TMPRSS15: variants seen among roughly 807,000 people sequenced by gnomAD.
TMPRSS15 encodes the protein transmembrane serine protease 15.
In TMPRSS15, 128 loss-of-function variants were observed where a neutral mutation model predicts 125.3. The ratio of observed to expected loss-of-function variants is 1.02; its 90% CI spans 0.89 to 1.18. The LOEUF (loss-of-function observed/expected upper bound fraction) is 1.18, where lower values mean the gene tolerates loss of function less well. TMPRSS15 is among the 50% of genes most tolerant of loss of function. The pLI is 0.00. For synonymous variants in TMPRSS15, 446 were observed against 423.2 expected (o/e 1.05, Z -0.66); for missense variants, 1,283 against 1,212.7 (o/e 1.06, Z -0.86).
rs565168055 is a variant in TMPRSS15, at chr21:18,305,811, A to C, written c.2165+7134T>G. ...TATCAAATTATGGTAGTTTGCTATT[A>C]ATGATTTGCTCTTTAATTATTTTTA... On this transcript the variant is annotated intron_variant, in intron 18 of 24. Transcript: ENST00000284885. Among the ~76,000 whole-genome samples the C allele has an allele frequency of 8.5e-5, 13 of 152,314 alleles. No individual in the cohort carries two copies. In the South Asian group the frequency reaches 2.3e-3, roughly 27 times the overall value.
rs534526448 is a variant in TMPRSS15 at position 18,483,974 on chromosome 21, T to C, written c.10+1825A>G. ...GTTTAGTAATCCTTATTTTTTATTTTATATGACTGGAATCACACAGAATAC... is the reference window on the plus strand; with the variant it reads ...GTTTAGTAATCCTTATTTTTTATTTCATATGACTGGAATCACACAGAATAC... On this transcript the variant is annotated intron_variant, in intron 1 of 7. Transcript: ENST00000422787. Among the ~76,000 whole-genome samples the C allele has an allele frequency of 1.4e-4, 22 of 152,028 alleles. No individual in the cohort carries two copies. In the South Asian group the frequency reaches 4.6e-3, roughly 32 times the overall value.
chr21:18,323,500 C>T (rs975712420), intron 16 of TMPRSS15, among the ~76,000 whole-genome samples: 1 of 152,134 alleles, frequency 6.6e-6, no homozygotes, highest in Non-Finnish European at 1.5e-5. Flanking sequence ...TTACCTCCCA[C>T]CAGGTCCCTC....
chr21:18,284,318 T>C (rs1048996031), intron 21 of TMPRSS15, among the ~76,000 whole-genome samples: 1 of 152,186 alleles, frequency 6.6e-6, no homozygotes, highest in African/African-American at 2.4e-5. Context: ...GACTGGAGAA[T>C]ACAGAGCTTA....
At chr21:18,291,476 C>A (rs1286276323) in intron 21 of TMPRSS15, among the ~76,000 whole-genome samples, 1 of 152,184 alleles carries the variant, frequency 6.6e-6, no homozygotes, top group Non-Finnish European at 1.5e-5. Flanking sequence ...TTCAATTAAA[C>A]CATTTAACCA....
At position 18,278,978 on chromosome 21, in the gene TMPRSS15, G is replaced by A. The variant is rs778496939; in HGVS notation, c.2750C>T (p.Thr917Met). 10 of 1,194,778 alleles carry A rather than the reference G, an allele frequency of 8.4e-6. No individual in the cohort carries two copies. The highest frequency in any genetic ancestry group is 3.1e-5 in the East Asian group (1 of 32,164). 74.0% of individuals were successfully genotyped at this position (1,194,778 alleles called of 1,614,324 possible). A position where few individuals can be genotyped will look rare whatever the true frequency, so the allele number is the denominator to read the frequency against. Residue 917 changes from threonine (T) to methionine (M), a missense_variant, in exon 23 of 25, where the codon ACG becomes ATG. By Grantham distance (81) the Thr-to-Met change is moderately conservative. Coordinates refer to ENST00000284885, the MANE Select transcript of TMPRSS15 (RefSeq NM_002772.3). ...GRNCSIAGWGTVVYQGTTANI... is the reference protein window; with the variant it reads ...GRNCSIAGWGMVVYQGTTANI... ...TGATAATTTACCTTGATATACAACC[G>A]TCCCCCAACCAGCAATAGAACAATT...
intron 13 of TMPRSS15, among the ~76,000 whole-genome samples, chr21:18,335,302 T>C (rs1477263628): frequency 6.6e-6 from 1 of 152,246 alleles, no homozygotes; most frequent in Non-Finnish European, 1.5e-5. Context: ...TTTGTGTTTT[T>C]GTTTTTTACC....
At chr21:18,326,680 T>C (rs1243997621) in intron 15 of TMPRSS15, 108 bp from the exon 16 acceptor site, 14 of 1,313,876 alleles carry the variant, frequency 1.1e-5, no homozygotes, top group African/African-American at 1.4e-5. Context: ...ACATGTTACA[T>C]GGCTCGCTCA....
At chr21:18,429,945 C>A (rs2076212921) in intron 1 of TMPRSS15, among the ~76,000 whole-genome samples, 1 of 152,112 alleles carries the variant, frequency 6.6e-6, no homozygotes, top group Non-Finnish European at 1.5e-5. Flanking sequence ...CAAATAATTT[C>A]TTAATTTAAA....
intron 24 of TMPRSS15, among the ~76,000 whole-genome samples, chr21:18,272,021 A>AAAT (rs1295164819): frequency 6.6e-6 from 1 of 152,140 alleles, no homozygotes; most frequent in Non-Finnish European, 1.5e-5. Context: ...TTGCTATTGT[A>AAAT]AATAGTGCTG....
At chr21:18,351,731 A>G (rs2075571570) in intron 10 of TMPRSS15, among the ~76,000 whole-genome samples, 1 of 152,204 alleles carries the variant, frequency 6.6e-6, no homozygotes, top group African/African-American at 2.4e-5. Flanking sequence ...AAAATGGACT[A>G]ATACATGCCC....
chr21:18,332,962 A>T (rs1001443610), intron 13 of TMPRSS15, among the ~76,000 whole-genome samples: 2 of 152,234 alleles, frequency 1.3e-5, no homozygotes, highest in Non-Finnish European at 2.9e-5. Context: ...ATGGAGCTGG[A>T]GACCATTAAC....
chr21:18,416,027 G>A (rs1380153086), intron 1 of TMPRSS15, among the ~76,000 whole-genome samples: 1 of 151,802 alleles, frequency 6.6e-6, no homozygotes, highest in East Asian at 1.9e-4. Context: ...CTAAAAATAA[G>A]CTAAAAAACA....
At chr21:18,297,305 A>G (rs1243577444) in intron 19 of TMPRSS15, among the ~76,000 whole-genome samples, 2 of 152,200 alleles carry the variant, frequency 1.3e-5, no homozygotes, top group Non-Finnish European at 2.9e-5. Context: ...GGAAGAGAAA[A>G]GAATATCAAG....
rs376457477 is a variant in TMPRSS15 at position 18,315,271 on chromosome 21, T to C, written c.1922-15A>G. The C allele has an allele frequency of 6.3e-7, 1 of 1,592,856 alleles. No homozygotes were observed. Among genetic ancestry groups the C allele is most frequent in the Non-Finnish European group, 8.6e-7 (1 of 1,162,320 alleles). The stretch of plus-strand genomic sequence containing the variant: ...CTTGCATGGCTCTATGGGGAAAGAA[T>C]GTTTATTGTATAGGATAAAGAAAAC... On this transcript the variant is annotated splice_polypyrimidine_tract_variant and intron_variant, in intron 16 of 24. Transcript: ENST00000284885.
At chr21:18,396,804 G>GTCTA (rs67154609) in intron 3 of TMPRSS15, among the ~76,000 whole-genome samples, 10,998 of 96,094 alleles carry the variant, frequency 0.11, 690 homozygotes, top group Non-Finnish European at 0.14. Flanking sequence ...CTGTCTGTCT[G>GTCTA]TCTGTCTATC....
chr21:18,391,741 GC>G (rs1214368031), intron 3 of TMPRSS15, among the ~76,000 whole-genome samples: 4 of 152,208 alleles, frequency 2.6e-5, no homozygotes, highest in African/African-American at 9.6e-5. Flanking sequence ...GGGGGCTCTA[GC>G]CACACATTTT....
At chr21:18,424,442 T>C (rs557471706) in intron 1 of TMPRSS15, among the ~76,000 whole-genome samples, 2 of 152,322 alleles carry the variant, frequency 1.3e-5, no homozygotes, top group East Asian at 1.9e-4. Flanking sequence ...TATTTACATG[T>C]AGTAATTTCT....
intron 1 of TMPRSS15, among the ~76,000 whole-genome samples, chr21:18,414,735 T>C (rs1189142722): frequency 1.3e-5 from 2 of 152,216 alleles, no homozygotes; most frequent in Non-Finnish European, 2.9e-5. Flanking sequence ...ATATATCACA[T>C]GCTTCTTTAT....
intron 22 of TMPRSS15, among the ~76,000 whole-genome samples, chr21:18,280,401 C>T (rs2074677765): frequency 6.6e-6 from 1 of 151,706 alleles, no homozygotes; most frequent in Non-Finnish European, 1.5e-5. Context: ...ATGGTGAAAC[C>T]CCATCTCTAC....
Sources: gnomAD v4.1 joint callset for allele counts (sites outside exome capture counted in the v4.1 genomes callset) on GRCh38, gnomAD v4.1.1 for gene constraint, MANE v1.5 for transcripts, NCBI Gene and HGNC (gene_info 2026-07-23, HGNC 2026-07-21) for gene names.